Variants in ARL6IP5 observed in about 807,000 individuals in gnomAD.
The protein encoded by ARL6IP5 is ARF like GTPase 6 interacting protein 5.
A neutral mutation model predicts 13.0 loss-of-function variants in ARL6IP5; 6 were observed. That is an observed-to-expected ratio of 0.46 (90% CI 0.25 to 0.91). The LOEUF (loss-of-function observed/expected upper bound fraction) is 0.91, where lower values mean the gene tolerates loss of function less well. Ranked by LOEUF, ARL6IP5 falls within the 40% of genes least tolerant of loss-of-function variation. ARL6IP5 has a pLI of 0.17. For missense variants in ARL6IP5, 208 were observed against 248.8 expected, an observed-to-expected ratio of 0.84 and a Z score of 1.10; for synonymous variants, 91 against 91.9, an observed-to-expected ratio of 0.99 and a Z score of 0.06.
intron 1 of ARL6IP5, among the ~76,000 whole-genome samples, chr3:69,098,921 A>G (rs935220877): frequency 6.6e-6 from 1 of 152,070 alleles, no homozygotes; most frequent in East Asian, 1.9e-4. Flanking sequence ...ACTAATATCA[A>G]TACTGTTACA....
At chr3:69,102,154 T>G (rs2092307809) in intron 2 of ARL6IP5, 98 bp downstream of exon 2, 2 of 1,320,642 alleles carry the variant, frequency 1.5e-6, no homozygotes, top group South Asian at 2.5e-5. Context: ...TGTTGGCATG[T>G]CAGCAAAAGT....
intron 1 of ARL6IP5, among the ~76,000 whole-genome samples, chr3:69,091,449 C>CAG (rs1299858670): frequency 6.6e-6 from 1 of 151,856 alleles, no homozygotes; most frequent in African/African-American, 2.4e-5. Context: ...CATGTGCCAC[C>CAG]AGCCTGGCTA....
At chr3:69,085,925 A>G (rs971553266) in intron 1 of ARL6IP5, among the ~76,000 whole-genome samples, 2 of 152,198 alleles carry the variant, frequency 1.3e-5, no homozygotes, top group African/African-American at 4.8e-5. Flanking sequence ...CTGATACTTA[A>G]CAAAGTATCC....
intron 2 of ARL6IP5, 59 bp downstream of exon 2, chr3:69,102,115 C>A (rs145563091): frequency 6.4e-7 from 1 of 1,550,948 alleles, no homozygotes; most frequent in Non-Finnish European, 8.9e-7. Flanking sequence ...AATTATCCAA[C>A]GGGAATTCCA....
intron 1 of ARL6IP5, among the ~76,000 whole-genome samples, chr3:69,101,427 A>G (rs888127080): frequency 3.3e-5 from 5 of 149,704 alleles, no homozygotes; most frequent in Middle Eastern, 3.5e-3. Context: ...GGTTCAAGTG[A>G]TCCTCCCACC....
Position 69,104,764 on chromosome 3 carries a change from C to A in ARL6IP5, c.*128C>A. The A allele has an allele frequency of 9.7e-7, 1 of 1,034,700 alleles. No individual in the cohort carries two copies. Among genetic ancestry groups the A allele is most frequent in the Non-Finnish European group, 1.5e-6 (1 of 686,706 alleles). The allele number at this position is 1,034,700 out of a possible 1,614,324, so 64.1% of individuals were successfully genotyped here. ...CCACCCAATTATCTATGGCAGCATGCATGTATAGGCCGAACTATTATCAGC... is the reference window on the plus strand; with the variant it reads ...CCACCCAATTATCTATGGCAGCATGAATGTATAGGCCGAACTATTATCAGC... On this transcript the variant is annotated 3_prime_UTR_variant, in exon 3 of 3. Transcript: ENST00000273258.
Position 69,102,025 on chromosome 3 carries a change from C to G in ARL6IP5, c.363C>G (p.Val121=), listed in dbSNP as rs1339490908. 1 of 1,614,078 alleles carries G rather than the reference C, an allele frequency of 6.2e-7. No individual in the cohort carries two copies. The highest frequency in any genetic ancestry group is 8.5e-7 in the Non-Finnish European group (1 of 1,180,012). Residue 121 remains valine, a synonymous_variant, in exon 2 of 3, where the codon GTC becomes GTG. Coordinates refer to ENST00000273258, the MANE Select transcript of ARL6IP5 (RefSeq NM_006407.4). ...FLISMFGGVM[V]FVFGITFPLL... is the part of the protein sequence containing the mutation. ...TCTCCATGTTTGGAGGAGTCATGGT[C>G]TTTGTGTTTGGCATTACTTTTCCTT...
In ARL6IP5 at chr3:69,093,723, C is replaced by T. The variant is rs142845536; in HGVS notation, c.177-8116C>T. 1.3e-4 allele frequency among the ~76,000 whole-genome samples: 19 copies of T among 149,878 alleles called. 2 individuals carry two copies. In the East Asian group the frequency reaches 3.7e-3, roughly 29 times the overall value. On this transcript the variant is annotated intron_variant, in intron 1 of 2. Transcript: ENST00000273258. ...GTTGCAGCGAGCCAAGATTGTGTCA[C>T]TGCACTTCAGCCTGCCGACAGAGGG...
At chr3:69,088,844 C>G (rs2092256256) in intron 1 of ARL6IP5, among the ~76,000 whole-genome samples, 1 of 152,202 alleles carries the variant, frequency 6.6e-6, no homozygotes, top group East Asian at 1.9e-4. Flanking sequence ...GAAGTCTCTA[C>G]CTTGATCTTC....
intron 2 of ARL6IP5, 96 bp from the exon 3 acceptor site, chr3:69,104,368 G>C: frequency 7.8e-7 from 1 of 1,283,326 alleles, no homozygotes; most frequent in East Asian, 2.3e-5. Flanking sequence ...GGCTAACTAA[G>C]GCAGTTTACT....
chr3:69,094,884 GA>G (rs930679380), intron 1 of ARL6IP5, among the ~76,000 whole-genome samples: 3 of 94,144 alleles, frequency 3.2e-5, no homozygotes, highest in African/African-American at 1.0e-4. Flanking sequence ...AATTTTGTGA[GA>G]TTTTTTTTTC....
At chr3:69,091,599 T>C (rs1176919026) in intron 1 of ARL6IP5, among the ~76,000 whole-genome samples, 1 of 151,958 alleles carries the variant, frequency 6.6e-6, no homozygotes, top group Non-Finnish European at 1.5e-5. Flanking sequence ...TGGCACACCT[T>C]TGATACTATT....
intron 1 of ARL6IP5, among the ~76,000 whole-genome samples, chr3:69,100,263 A>G (rs2092300997): frequency 6.6e-6 from 1 of 152,196 alleles, no homozygotes. Flanking sequence ...CTCCATTATC[A>G]ATAGTAGTGT....
chr3:69,102,282 G>T, intron 2 of ARL6IP5: 1 of 570,128 alleles, frequency 1.8e-6, no homozygotes, highest in South Asian at 2.1e-5. Context: ...ACAAATATTT[G>T]TTGGGGCATC....
At chr3:69,086,801 C>T (rs2092250056) in intron 1 of ARL6IP5, among the ~76,000 whole-genome samples, 1 of 150,048 alleles carries the variant, frequency 6.7e-6, no homozygotes, top group South Asian at 2.1e-4. Flanking sequence ...CGTCTCACTA[C>T]AACCTTTGCC....
intron 1 of ARL6IP5, among the ~76,000 whole-genome samples, chr3:69,100,781 A>G (rs1232507781): frequency 1.3e-5 from 2 of 150,224 alleles, no homozygotes; most frequent in African/African-American, 2.5e-5. Flanking sequence ...ACTCTGTCTC[A>G]AATAAAAAAA....
chr3:69,103,806 G>A (rs1031286587), intron 2 of ARL6IP5, among the ~76,000 whole-genome samples: 2 of 152,182 alleles, frequency 1.3e-5, no homozygotes, highest in Non-Finnish European at 2.9e-5. Context: ...CATATGGAGA[G>A]AGGGTTACCT....
At chr3:69,091,140 A>G (rs1411618289) in intron 1 of ARL6IP5, among the ~76,000 whole-genome samples, 2 of 152,128 alleles carry the variant, frequency 1.3e-5, no homozygotes, top group African/African-American at 2.4e-5. Context: ...GGAGGTTGCA[A>G]TGAGCCAAGA....
intron 1 of ARL6IP5, among the ~76,000 whole-genome samples, chr3:69,086,722 CTTT>C (rs1207661746): frequency 3.8e-5 from 5 of 132,422 alleles, no homozygotes; most frequent in Non-Finnish European, 3.2e-5. Flanking sequence ...TAAAAAATTT[CTTT>C]TTTTTTTTTT....
Sources: gnomAD v4.1 joint callset for allele counts (sites outside exome capture counted in the v4.1 genomes callset) on GRCh38, gnomAD v4.1.1 for gene constraint, MANE v1.5 for transcripts, NCBI Gene and HGNC (gene_info 2026-07-23, HGNC 2026-07-21) for gene names.